ZFAND6: variants seen among roughly 807,000 people sequenced by gnomAD.
The protein encoded by ZFAND6 is AN1-type zinc finger protein 6.
A neutral mutation model predicts 24.5 loss-of-function variants in ZFAND6; 12 were observed. That is an observed-to-expected ratio of 0.49 (90% CI 0.31 to 0.79). The LOEUF (loss-of-function observed/expected upper bound fraction) is 0.79. ZFAND6 is among the 30% of genes least tolerant of loss of function. The probability of loss-of-function intolerance (pLI) is 0.04; values close to 1 mark genes in which losing one functional copy is unlikely to be tolerated. For missense variants in ZFAND6, 207 were observed against 245.9 expected (o/e 0.84, Z 1.06); for synonymous variants, 92 against 81.5 (o/e 1.13, Z -0.69).
At chr15:80,112,743 A>G (rs751772172) in intron 2 of ZFAND6, 8 of 455,552 alleles carry the variant, frequency 1.8e-5, no homozygotes, top group South Asian at 1.2e-4. Context: ...GCTCCTTACC[A>G]TCCCTCATGT....
At chr15:80,114,152 A>G (rs886250182) in intron 2 of ZFAND6, among the ~76,000 whole-genome samples, 3 of 152,204 alleles carry the variant, frequency 2.0e-5, no homozygotes, top group South Asian at 2.1e-4. Flanking sequence ...AAATTTTGCT[A>G]TGTGCCACAC....
rs149756891 is a variant in ZFAND6 at position 80,065,537 on chromosome 15, A to ATTTTTTT, written c.-181+5747_-181+5753dup. Among the ~76,000 whole-genome samples the ATTTTTTT allele has an allele frequency of 6.2e-3, 472 of 76,450 alleles. 26 individuals are homozygous for ATTTTTTT. The highest frequency in any genetic ancestry group is 0.035 in the South Asian group (67 of 1,926). 50.2% of individuals were successfully genotyped at this position (76,450 alleles called of 152,430 possible). A position where few individuals can be genotyped will look rare whatever the true frequency, so the allele number is the denominator to read the frequency against. The stretch of plus-strand genomic sequence containing the variant: ...GGGCTTCAAATTAGTTTTGGTTTTG[A>ATTTTTTT]TTTTTTTTTTTTTTTTTTTTTTTTT... On this transcript the variant is annotated intron_variant, in intron 1 of 6. Transcript: ENST00000261749.
chr15:80,122,658 T>C (rs868304000), intron 4 of ZFAND6, 42 bp from the exon 5 acceptor site: 1 of 1,270,928 alleles, frequency 7.9e-7, no homozygotes, highest in South Asian at 1.2e-5. Context: ...AATATTCATG[T>C]GTAGAGATCA....
chr15:80,093,059 A>G lies in ZFAND6; in HGVS notation c.-180-5357A>G, dbSNP rs951339231. The stretch of plus-strand genomic sequence containing the variant: ...AACCTCTGCCTCCTCGGTTCAAGCA[A>G]TTCTCCTGCCTCAGCCTCCCGAGTA... On this transcript the variant is annotated intron_variant, in intron 1 of 6. Transcript: ENST00000261749. Among the ~76,000 whole-genome samples the G allele has an allele frequency of 5.9e-5, 9 of 151,824 alleles. No homozygotes were observed. The East Asian group carries it at 7.8e-4, about 13-fold the overall frequency.
chr15:80,076,859 G>T (rs2037313328), intron 1 of ZFAND6, among the ~76,000 whole-genome samples: 1 of 151,648 alleles, frequency 6.6e-6, no homozygotes, highest in South Asian at 2.1e-4. Context: ...CTAAGGCATA[G>T]TGAAAACTTG....
At chr15:80,091,833 T>A (rs955673676) in intron 1 of ZFAND6, among the ~76,000 whole-genome samples, 1 of 152,060 alleles carries the variant, frequency 6.6e-6, no homozygotes. Flanking sequence ...AGAGGCAGAA[T>A]CTTGCCGTAT....
rs551022146 is a variant in ZFAND6, at chr15:80,113,502, G to GA, written c.-17-6821dup. On this transcript the variant is annotated intron_variant, in intron 2 of 6. Transcript: ENST00000261749. ...TCCCTATTTTTTTCGGGAGGAGGGA[G>GA]AAAAAGAATGAAGTGAAAAAAAGTA... Among the ~76,000 whole-genome samples, 563 of 152,140 alleles carry GA rather than the reference G, an allele frequency of 3.7e-3. 6 individuals carry two copies. The highest frequency in any genetic ancestry group is 0.013 in the African/African-American group (524 of 41,488).
At chr15:80,131,800 A>G (rs1169952500) in intron 6 of ZFAND6, among the ~76,000 whole-genome samples, 3 of 152,238 alleles carry the variant, frequency 2.0e-5, no homozygotes, top group Non-Finnish European at 4.4e-5. Flanking sequence ...GTTCAAAAGC[A>G]TTTAGCAAAG....
intron 3 of ZFAND6, 24 bp from the exon 4 acceptor site, chr15:80,121,688 A>G: frequency 1.9e-6 from 3 of 1,595,294 alleles, no homozygotes; most frequent in Admixed American, 3.3e-5. Context: ...AGAATCACTA[A>G]TACGCAATGT....
intron 6 of ZFAND6, among the ~76,000 whole-genome samples, chr15:80,134,018 A>C (rs1367558980): frequency 1.5e-5 from 2 of 136,018 alleles, no homozygotes; most frequent in Non-Finnish European, 3.1e-5. Flanking sequence ...ATGGAGTTTC[A>C]CTCTTTTCGC....
chr15:80,069,222 T>G (rs190467773), intron 1 of ZFAND6, among the ~76,000 whole-genome samples: 3 of 152,248 alleles, frequency 2.0e-5, no homozygotes, highest in African/African-American at 4.8e-5. Flanking sequence ...ATCTATGATA[T>G]GTTGTTTGGC....
At chr15:80,105,975 G>C (rs918233664) in intron 2 of ZFAND6, among the ~76,000 whole-genome samples, 3 of 152,156 alleles carry the variant, frequency 2.0e-5, no homozygotes, top group African/African-American at 7.2e-5. Context: ...TAATAAAGTT[G>C]TAATTTTGGA....
rs72738479 is a variant in ZFAND6, at chr15:80,104,858, A to G, written c.-18+6280A>G. Among the ~76,000 whole-genome samples the G allele has an allele frequency of 9.7e-3, 1,480 of 152,052 alleles. 10 individuals carry two copies. Among genetic ancestry groups the G allele is most frequent in the Middle Eastern group, 0.017 (5 of 294 alleles). On this transcript the variant is annotated intron_variant, in intron 2 of 6. Coordinates refer to ENST00000261749, the MANE Select transcript of ZFAND6 (RefSeq NM_019006.4). ...TTAACCATTTTTACTTGGATTGACT[A>G]TTTTTGCCTACTTTTGATATCATAC...
At chr15:80,081,526 T>C (rs973640372) in intron 1 of ZFAND6, among the ~76,000 whole-genome samples, 2 of 152,166 alleles carry the variant, frequency 1.3e-5, no homozygotes, top group Non-Finnish European at 2.9e-5. Flanking sequence ...ATAACATTTA[T>C]GGTCAAGAAA....
At chr15:80,129,883 G>T (rs781069924) in intron 5 of ZFAND6, 4 of 152,234 alleles carry the variant, frequency 2.6e-5, no homozygotes, top group Admixed American at 6.5e-5. Context: ...TGTATGGAAA[G>T]CACAACTTAT....
intron 1 of ZFAND6, among the ~76,000 whole-genome samples, chr15:80,074,556 C>T (rs1596196304): frequency 6.6e-6 from 1 of 151,782 alleles, no homozygotes; most frequent in South Asian, 2.1e-4. Flanking sequence ...TTGTGCGTTT[C>T]TTAATTTTGA....
rs2040150634 is a variant in ZFAND6, at chr15:80,121,628, G to T, written c.155-84G>T. 4.4e-6 allele frequency: 5 copies of T among 1,148,778 alleles called. No individual in the cohort carries two copies. In the South Asian group the frequency reaches 7.4e-5, roughly 17 times the overall value. The allele number at this position is 1,148,778 out of a possible 1,614,324, so 71.2% of individuals were successfully genotyped here. A position where few individuals can be genotyped will look rare whatever the true frequency, so the allele number is the denominator to read the frequency against. ...GAAAACCTCTATACTGTGTTCTGTG[G>T]AAAATGGATTTTGATTTTTTTAGAT... On this transcript the variant is annotated intron_variant, in intron 3 of 6. Coordinates refer to ENST00000261749, the MANE Select transcript of ZFAND6 (RefSeq NM_019006.4).
chr15:80,104,916 T>C lies in ZFAND6; in HGVS notation c.-18+6338T>C, dbSNP rs1596272931. 2.0e-5 allele frequency among the ~76,000 whole-genome samples: 3 copies of C among 152,214 alleles called. No homozygotes were observed. The East Asian group carries it at 5.8e-4, about 29-fold the overall frequency. On this transcript the variant is annotated intron_variant, in intron 2 of 6. Transcript: ENST00000261749. ...ATTTTTAAAGTCACCTAGAATTCTT[T>C]TCAGAGCAATTTAAAGTATATAAAA...
intron 5 of ZFAND6, among the ~76,000 whole-genome samples, chr15:80,123,578 C>G (rs1007041844): frequency 6.6e-6 from 1 of 152,194 alleles, no homozygotes; most frequent in Non-Finnish European, 1.5e-5. Context: ...GTAACAGATA[C>G]ATCTGCCAAT....
Sources: gnomAD v4.1 joint callset for allele counts (sites outside exome capture counted in the v4.1 genomes callset) on GRCh38, gnomAD v4.1.1 for gene constraint, MANE v1.5 for transcripts, NCBI Gene and HGNC (gene_info 2026-07-23, HGNC 2026-07-21) for gene names.